The following NR6A1 variants were observed in gnomAD, a reference collection of about 807,000 sequenced individuals.
NR6A1 encodes nuclear receptor subfamily 6 group A member 1, also known as retinoic acid receptor-related testis-associated receptor.
Under a neutral mutation model 59.1 loss-of-function variants are expected in NR6A1, and 7 were observed. The ratio of observed to expected loss-of-function variants is 0.12; its 90% confidence interval spans 0.07 to 0.22. The LOEUF (loss-of-function observed/expected upper bound fraction) is 0.22. Among genes scored for constraint, NR6A1 ranks in the 10% least tolerant of loss-of-function variants. NR6A1 has a pLI of 1.00. For missense variants in NR6A1, 468 were observed against 611.6 expected, an observed-to-expected ratio of 0.77 and a Z score of 2.48; for synonymous variants, 243 against 236.1, an observed-to-expected ratio of 1.03 and a Z score of -0.27.
At chr9:124,627,882 CTTTTTT>C (rs59874800) in intron 2 of NR6A1, among the ~76,000 whole-genome samples, 33 of 83,780 alleles carry the variant, frequency 3.9e-4, no homozygotes, top group African/African-American at 7.1e-4. Context: ...CTGAGATTTT[CTTTTTT>C]TTTTTTTTTT....
chr9:124,632,624 T>A (rs10114297), intron 2 of NR6A1, among the ~76,000 whole-genome samples: 5,859 of 152,288 alleles, frequency 0.038, 357 homozygotes, highest in African/African-American at 0.13. Context: ...CCAAGATTTG[T>A]AAGGTTCTTG....
At chr9:124,720,637 G>T (rs1839535643) in intron 2 of NR6A1, among the ~76,000 whole-genome samples, 1 of 152,054 alleles carries the variant, frequency 6.6e-6, no homozygotes. Context: ...ACAAATACTG[G>T]ACCAAAATAA....
chr9:124,767,635 ATTAAC>A (rs1378266143), intron 1 of NR6A1, among the ~76,000 whole-genome samples: 1 of 152,184 alleles, frequency 6.6e-6, no homozygotes, highest in African/African-American at 2.4e-5. Flanking sequence ...GCAACTCAGA[ATTAAC>A]TTAATTTTTT....
chr9:124,720,860 G>A (rs369821008), intron 2 of NR6A1, among the ~76,000 whole-genome samples: 5 of 152,140 alleles, frequency 3.3e-5, no homozygotes, highest in Admixed American at 6.5e-5. Flanking sequence ...CTACTGATAC[G>A]TTTGCCTAAC....
At chr9:124,574,497 G>A (rs547757461) in intron 2 of NR6A1, among the ~76,000 whole-genome samples, 17 of 152,258 alleles carry the variant, frequency 1.1e-4, no homozygotes, top group Admixed American at 1.0e-3. Context: ...CAGTGATAAA[G>A]AGCTTACTTC....
intron 2 of NR6A1, among the ~76,000 whole-genome samples, chr9:124,578,577 C>T (rs1834672994): frequency 6.6e-6 from 1 of 152,196 alleles, no homozygotes; most frequent in Non-Finnish European, 1.5e-5. Context: ...TCTCAATCTC[C>T]ACTACTAAAA....
At chr9:124,689,185 T>C (rs1838442644) in intron 2 of NR6A1, among the ~76,000 whole-genome samples, 1 of 152,180 alleles carries the variant, frequency 6.6e-6, no homozygotes, top group Non-Finnish European at 1.5e-5. Flanking sequence ...GAAATAATAG[T>C]TGTAAATTAT....
intron 2 of NR6A1, among the ~76,000 whole-genome samples, chr9:124,668,808 A>C (rs990671368): frequency 2.0e-5 from 3 of 152,178 alleles, no homozygotes; most frequent in African/African-American, 7.2e-5. Context: ...ACCAATGTAC[A>C]TCCCTGCCAG....
intron 2 of NR6A1, among the ~76,000 whole-genome samples, chr9:124,593,424 G>A (rs550364076): frequency 1.3e-5 from 2 of 152,100 alleles, no homozygotes; most frequent in African/African-American, 2.4e-5. Context: ...AGGGAGGGAG[G>A]AAGAGAGCAG....
chr9:124,627,882 CTTTTTTTTT>C (rs59874800), intron 2 of NR6A1, among the ~76,000 whole-genome samples: 5,876 of 83,926 alleles, frequency 0.07, 432 homozygotes, highest in African/African-American at 0.21. Flanking sequence ...CTGAGATTTT[CTTTTTTTTT>C]TTTTTTTTTT....
At chr9:124,720,910 GAGA>G (rs1480824678) in intron 2 of NR6A1, among the ~76,000 whole-genome samples, 1 of 152,160 alleles carries the variant, frequency 6.6e-6, no homozygotes, top group African/African-American at 2.4e-5. Flanking sequence ...AAAAAAGGAA[GAGA>G]AGAATTCCCA....
intron 2 of NR6A1, among the ~76,000 whole-genome samples, chr9:124,600,047 A>C (rs1429688136): frequency 6.6e-6 from 1 of 152,202 alleles, no homozygotes; most frequent in Non-Finnish European, 1.5e-5. Context: ...TTTCTGCCTT[A>C]TTTGTTTTTA....
intron 2 of NR6A1, among the ~76,000 whole-genome samples, chr9:124,679,581 C>T (rs573747982): frequency 6.6e-6 from 1 of 152,166 alleles, no homozygotes; most frequent in Admixed American, 6.5e-5. Flanking sequence ...TTTTTCATTG[C>T]TTTTCAAATC....
intron 5 of NR6A1, 77 bp downstream of exon 5, chr9:124,539,956 C>T: frequency 6.7e-7 from 1 of 1,497,614 alleles, no homozygotes; most frequent in Non-Finnish European, 9.0e-7. Flanking sequence ...CAGGGATACT[C>T]AGCCAGAGGT....
At chr9:124,693,807 G>A (rs773852521) in intron 2 of NR6A1, 4 of 533,856 alleles carry the variant, frequency 7.5e-6, no homozygotes, top group South Asian at 5.6e-5. Flanking sequence ...CAACCCAAAG[G>A]AAGCAAAAGC....
Position 124,672,471 on chromosome 9 carries a change from C to T in NR6A1, c.142+60837G>A, listed in dbSNP as rs181343638. On this transcript the variant is annotated intron_variant, in intron 2 of 9. Coordinates refer to ENST00000487099, the MANE Select transcript of NR6A1 (RefSeq NM_033334.4). Reference sequence around the variant, plus strand: ...CTCTACTAAAAACACAAAAATTAGCCGAGTGTGATGGCACAAGCCTGTAGT... The same window carrying T: ...CTCTACTAAAAACACAAAAATTAGCTGAGTGTGATGGCACAAGCCTGTAGT... Among the ~76,000 whole-genome samples the T allele has an allele frequency of 3.5e-3, 539 of 152,022 alleles. 3 individuals carry two copies. The highest frequency in any genetic ancestry group is 6.2e-3 in the Non-Finnish European group (421 of 67,966).
chr9:124,585,471 G>A (rs1313240765), intron 2 of NR6A1, among the ~76,000 whole-genome samples: 1 of 148,142 alleles, frequency 6.8e-6, no homozygotes, highest in South Asian at 2.1e-4. Flanking sequence ...GTAAACCCAG[G>A]AGGCAAAGCT....
At chr9:124,573,434 T>C (rs1036606000) in intron 2 of NR6A1, among the ~76,000 whole-genome samples, 3 of 152,210 alleles carry the variant, frequency 2.0e-5, no homozygotes, top group Non-Finnish European at 4.4e-5. Flanking sequence ...TCTTTCACCC[T>C]GTAACTTTCT....
chr9:124,765,342 C>T (rs1397024151), intron 1 of NR6A1, among the ~76,000 whole-genome samples: 1 of 152,132 alleles, frequency 6.6e-6, no homozygotes, highest in Non-Finnish European at 1.5e-5. Flanking sequence ...GAAATCGTGA[C>T]TGTCAATATT....
Sources: allele counts gnomAD v4.1 joint callset (sites outside exome capture counted in the v4.1 genomes callset), GRCh38; gene constraint gnomAD v4.1.1; transcripts MANE v1.5; gene names NCBI Gene and HGNC (gene_info 2026-07-23, HGNC 2026-07-21).